PKHD1: variants seen among roughly 807,000 people sequenced by gnomAD.
PKHD1 encodes the protein fibrocystin.
Under a neutral mutation model 412.0 loss-of-function variants are expected in PKHD1, and 291 were observed. That is an observed-to-expected ratio of 0.71 (90% CI 0.64 to 0.78). The LOEUF (loss-of-function observed/expected upper bound fraction) is 0.78. Among genes scored for constraint, PKHD1 ranks in the 30% least tolerant of loss-of-function variants. PKHD1 has a pLI of 0.00. For missense variants in PKHD1, 4,825 were observed against 4,950.7 expected, an observed-to-expected ratio of 0.97 and a Z score of 0.76; for synonymous variants, 1,777 against 1,821.5, an observed-to-expected ratio of 0.98 and a Z score of 0.62.
At chr6:51,788,150 A>T (rs1793176038) in intron 53 of PKHD1, among the ~76,000 whole-genome samples, 1 of 152,122 alleles carries the variant, frequency 6.6e-6, no homozygotes, top group African/African-American at 2.4e-5. Flanking sequence ...ACAACTGTAC[A>T]ATGTAGAGAT....
At chr6:51,741,264 A>T in intron 60 of PKHD1, 2 of 509,856 alleles carry the variant, frequency 3.9e-6, no homozygotes, top group South Asian at 1.4e-5. Flanking sequence ...TTTGTAAGGG[A>T]TGCTTTTGAT....
At chr6:51,804,695 G>C (rs1763500658) in intron 52 of PKHD1, among the ~76,000 whole-genome samples, 1 of 152,152 alleles carries the variant, frequency 6.6e-6, no homozygotes, top group African/African-American at 2.4e-5. Context: ...GACCTAAAGA[G>C]TGAGCAGCAG....
Position 51,947,958 on chromosome 6 carries a change from C to T in PKHD1, c.5908+11912G>A, listed in dbSNP as rs73738792. ...GTCCTTCCCATTCCATGAATGGTAA[C>T]TTCATCCTTGCAATTGCTAAGTCTG... is the stretch of plus-strand genomic sequence containing the variant. On this transcript the variant is annotated intron_variant, in intron 36 of 66. Coordinates refer to ENST00000371117, the MANE Select transcript of PKHD1 (RefSeq NM_138694.4). 9.5e-3 allele frequency among the ~76,000 whole-genome samples: 1,450 copies of T among 152,264 alleles called. 23 individuals are homozygous for T. Among genetic ancestry groups the T allele is most frequent in the African/African-American group, 0.033 (1,366 of 41,536 alleles).
chr6:51,666,564 A>C (rs917720540), intron 60 of PKHD1, among the ~76,000 whole-genome samples: 9 of 152,188 alleles, frequency 5.9e-5, no homozygotes, highest in Middle Eastern at 3.4e-3. Flanking sequence ...ATTTATTATA[A>C]TACTTTAAGT....
At chr6:51,947,942 A>G (rs944956442) in intron 36 of PKHD1, among the ~76,000 whole-genome samples, 2 of 152,100 alleles carry the variant, frequency 1.3e-5, no homozygotes, top group African/African-American at 4.8e-5. Flanking sequence ...AGTCCTTCCC[A>G]TTCCATGAAT....
intron 35 of PKHD1, among the ~76,000 whole-genome samples, chr6:51,965,141 G>A (rs4143493): frequency 0.046 from 7,051 of 152,078 alleles, 222 homozygotes; most frequent in East Asian, 0.13. Flanking sequence ...ATATAAAGGC[G>A]TTTCTCCCAA....
intron 14 of PKHD1, among the ~76,000 whole-genome samples, chr6:52,060,607 A>G (rs1472173926): frequency 6.6e-6 from 1 of 152,188 alleles, no homozygotes. Context: ...AAAAGATAAT[A>G]TTTTTAATAT....
chr6:52,050,039 G>A (rs1393900744), intron 22 of PKHD1, 118 bp downstream of exon 22: 1 of 929,662 alleles, frequency 1.1e-6, no homozygotes, highest in South Asian at 1.4e-5. Context: ...TCAAGATTGA[G>A]AACATTGCTT....
intron 50 of PKHD1, among the ~76,000 whole-genome samples, chr6:51,838,856 A>G (rs539751990): frequency 4.6e-5 from 7 of 152,342 alleles, no homozygotes; most frequent in Admixed American, 3.3e-4. Context: ...AAGTGGGAAT[A>G]ATCATACTAT....
In PKHD1 at chr6:51,660,020, A is replaced by G. The variant is rs140583201; in HGVS notation, c.10157-51T>C. 304 of 1,113,304 alleles carry G rather than the reference A, an allele frequency of 2.7e-4. 3 individuals are homozygous for G. The East Asian group carries it at 7.0e-3, about 26-fold the overall frequency. 69.0% of individuals were successfully genotyped at this position (1,113,304 alleles called of 1,614,324 possible). ...GTGATATATGAATTATAATCTGTCAATGATTATTTGTAATCCATCACTCTT... is the reference window on the plus strand; with the variant it reads ...GTGATATATGAATTATAATCTGTCAGTGATTATTTGTAATCCATCACTCTT... On this transcript the variant is annotated intron_variant, in intron 60 of 66. Coordinates refer to ENST00000371117, the MANE Select transcript of PKHD1 (RefSeq NM_138694.4).
At chr6:51,940,667 C>T (rs954097041) in intron 36 of PKHD1, among the ~76,000 whole-genome samples, 1 of 151,638 alleles carries the variant, frequency 6.6e-6, no homozygotes, top group Non-Finnish European at 1.5e-5. Flanking sequence ...TGATACTGCC[C>T]GATTGCCTCG....
intron 45 of PKHD1, among the ~76,000 whole-genome samples, chr6:51,884,633 C>A (rs1333307259): frequency 1.3e-5 from 2 of 152,068 alleles, no homozygotes; most frequent in African/African-American, 4.8e-5. Context: ...CACAAGAGTT[C>A]AAGTTGTAGT....
chr6:51,977,170 G>A (rs908768281), intron 35 of PKHD1, among the ~76,000 whole-genome samples: 1 of 152,148 alleles, frequency 6.6e-6, no homozygotes, highest in Non-Finnish European at 1.5e-5. Context: ...GAGGTAAAGT[G>A]TCTTTCTCAA....
At chr6:52,086,742 A>G (rs905311837) in intron 1 of PKHD1, among the ~76,000 whole-genome samples, 1 of 152,256 alleles carries the variant, frequency 6.6e-6, no homozygotes, top group African/African-American at 2.4e-5. Context: ...AAGGAATTCT[A>G]GTATTTTCAA....
chr6:51,961,427 A>G (rs1792007949), intron 35 of PKHD1, among the ~76,000 whole-genome samples: 1 of 152,130 alleles, frequency 6.6e-6, no homozygotes, highest in Non-Finnish European at 1.5e-5. Flanking sequence ...GAAATAAGGC[A>G]TAGTGATAAC....
intron 35 of PKHD1, among the ~76,000 whole-genome samples, chr6:51,998,169 C>G (rs114950518): frequency 6.6e-6 from 1 of 152,076 alleles, no homozygotes; most frequent in African/African-American, 2.4e-5. Context: ...AACAACTGTC[C>G]CCCATATGTT....
At chr6:51,807,452 AAAAAAAAT>A (rs1446468825) in intron 52 of PKHD1, among the ~76,000 whole-genome samples, 4,759 of 82,122 alleles carry the variant, frequency 0.058, 205 homozygotes, top group Middle Eastern at 0.071. Flanking sequence ...AAAAAAAAAA[AAAAAAAAT>A]ATATATATAT....
At chr6:51,687,288 G>GA (rs76906066) in intron 60 of PKHD1, among the ~76,000 whole-genome samples, 12,273 of 150,342 alleles carry the variant, frequency 0.082, 595 homozygotes, top group Middle Eastern at 0.19. Context: ...GATAAAAAAT[G>GA]AAAAAAAAAG....
intron 60 of PKHD1, among the ~76,000 whole-genome samples, chr6:51,698,459 C>A (rs1779052924): frequency 6.6e-6 from 1 of 152,126 alleles, no homozygotes; most frequent in African/African-American, 2.4e-5. Flanking sequence ...AAACACTGGT[C>A]TAATGCTTTA....
Sources: gnomAD v4.1 joint callset for allele counts (sites outside exome capture counted in the v4.1 genomes callset) on GRCh38, gnomAD v4.1.1 for gene constraint, MANE v1.5 for transcripts, NCBI Gene and HGNC (gene_info 2026-07-23, HGNC 2026-07-21) for gene names.